EFNA5: variants seen among roughly 807,000 people sequenced by gnomAD.
The protein encoded by EFNA5 is ephrin-A5.
A neutral mutation model predicts 22.9 loss-of-function variants in EFNA5; 5 were observed. The observed-to-expected ratio is 0.22, with a 90% CI of 0.11 to 0.46. The LOEUF is 0.46. EFNA5 is among the 20% of genes least tolerant of loss of function. The pLI is 0.99. For synonymous variants in EFNA5, 113 were observed against 112.2 expected (o/e 1.01, Z -0.04); for missense variants, 237 against 293.3 (o/e 0.81, Z 1.40).
At chr5:107,453,975 G>T (rs1318851704) in intron 1 of EFNA5, among the ~76,000 whole-genome samples, 1 of 152,074 alleles carries the variant, frequency 6.6e-6, no homozygotes, top group East Asian at 1.9e-4. Flanking sequence ...GTATGTGTGT[G>T]TGTGACAGAT....
chr5:107,630,593 G>C (rs1286149038), intron 1 of EFNA5, among the ~76,000 whole-genome samples: 1 of 148,162 alleles, frequency 6.7e-6, no homozygotes, highest in Non-Finnish European at 1.5e-5. Flanking sequence ...TGAGTGAGTG[G>C]TGACTGAATA....
chr5:107,449,850 A>G (rs1365645620), intron 1 of EFNA5, among the ~76,000 whole-genome samples: 1 of 152,210 alleles, frequency 6.6e-6, no homozygotes, highest in Non-Finnish European at 1.5e-5. Flanking sequence ...TTTGAAGGGT[A>G]ATGAGATGCC....
rs527476416 is a variant in EFNA5 at position 107,619,995 on chromosome 5, T to C, written c.125+50494A>G. On this transcript the variant is annotated intron_variant, in intron 1 of 4. Transcript: ENST00000333274. ...AATCAGCCCGAGGGCACTAAATGGCTACAGATCTCTGCAGAAGCACTGTAG... is the reference window on the plus strand; with the variant it reads ...AATCAGCCCGAGGGCACTAAATGGCCACAGATCTCTGCAGAAGCACTGTAG... Among the ~76,000 whole-genome samples, 132 of 152,332 alleles carry C rather than the reference T, an allele frequency of 8.7e-4. 1 individual carries two copies. The highest frequency in any genetic ancestry group is 3.4e-3 in the Middle Eastern group (1 of 294).
intron 1 of EFNA5, among the ~76,000 whole-genome samples, chr5:107,464,204 G>C (rs1749913286): frequency 6.6e-6 from 1 of 152,076 alleles, no homozygotes; most frequent in Admixed American, 6.6e-5. Flanking sequence ...CCCGGGACCA[G>C]CAGCACTTCA....
intron 1 of EFNA5, among the ~76,000 whole-genome samples, chr5:107,623,605 A>G (rs73200633): frequency 0.046 from 7,003 of 151,904 alleles, 563 homozygotes; most frequent in African/African-American, 0.16. Flanking sequence ...CAGCATGAAT[A>G]GGTGGGCAGG....
At chr5:107,633,698 T>A (rs544455102) in intron 1 of EFNA5, among the ~76,000 whole-genome samples, 1 of 152,310 alleles carries the variant, frequency 6.6e-6, no homozygotes, top group African/African-American at 2.4e-5. Context: ...AAGGTCTGAA[T>A]GTCCCAGAAT....
intron 1 of EFNA5, among the ~76,000 whole-genome samples, chr5:107,619,078 C>T (rs1289473647): frequency 3.9e-5 from 6 of 151,938 alleles, no homozygotes; most frequent in South Asian, 4.2e-4. Context: ...CCTGACACCA[C>T]GCCTGGCTAA....
intron 1 of EFNA5, among the ~76,000 whole-genome samples, chr5:107,573,940 T>G (rs1748868813): frequency 6.6e-6 from 1 of 152,214 alleles, no homozygotes; most frequent in South Asian, 2.1e-4. Context: ...AGGATTTTTA[T>G]TCTTTACCAC....
intron 1 of EFNA5, among the ~76,000 whole-genome samples, chr5:107,518,538 C>T (rs914713799): frequency 6.6e-6 from 1 of 151,948 alleles, no homozygotes; most frequent in Non-Finnish European, 1.5e-5. Flanking sequence ...AAATGACGTT[C>T]CCAGTCAATT....
At chr5:107,402,918 C>T (rs1399787917) in intron 2 of EFNA5, among the ~76,000 whole-genome samples, 1 of 152,138 alleles carries the variant, frequency 6.6e-6, no homozygotes, top group African/African-American at 2.4e-5. Context: ...TGTTTTATGC[C>T]AAATCAGAGT....
At chr5:107,622,355 TG>T (rs1561452090) in intron 1 of EFNA5, among the ~76,000 whole-genome samples, 1 of 152,218 alleles carries the variant, frequency 6.6e-6, no homozygotes, top group African/African-American at 2.4e-5. Context: ...CACCCTCAAA[TG>T]TCCTGACTGA....
intron 1 of EFNA5, among the ~76,000 whole-genome samples, chr5:107,569,109 A>G (rs1172890632): frequency 6.6e-6 from 1 of 152,032 alleles, no homozygotes; most frequent in Admixed American, 6.6e-5. Flanking sequence ...CCCCCAGATG[A>G]GCATAAAGAC....
intron 1 of EFNA5, among the ~76,000 whole-genome samples, chr5:107,524,567 T>TTAAC (rs1747657567): frequency 6.6e-6 from 1 of 152,188 alleles, no homozygotes; most frequent in Non-Finnish European, 1.5e-5. Context: ...AAGAAGAAAG[T>TTAAC]TAACTACATA....
chr5:107,495,965 C>T (rs1746968571), intron 1 of EFNA5, among the ~76,000 whole-genome samples: 1 of 151,986 alleles, frequency 6.6e-6, no homozygotes, highest in Admixed American at 6.5e-5. Context: ...AAGAAATCCA[C>T]CTCCTGACTG....
At chr5:107,661,144 GAAA>G (rs35310160) in intron 1 of EFNA5, among the ~76,000 whole-genome samples, 181 of 144,112 alleles carry the variant, frequency 1.3e-3, no homozygotes, top group African/African-American at 4.5e-3. Context: ...AGAAGAAGAA[GAAA>G]AAAAAAGTAT....
At chr5:107,473,262 A>ATTT (rs35926074) in intron 1 of EFNA5, among the ~76,000 whole-genome samples, 1 of 135,188 alleles carries the variant, frequency 7.4e-6, no homozygotes, top group Non-Finnish European at 1.6e-5. Flanking sequence ...TCCAGGTCTG[A>ATTT]TTTTTTTTTT....
chr5:107,569,539 ATATGTGTGTATATATATATT>A (rs1561435895), intron 1 of EFNA5, among the ~76,000 whole-genome samples: 21 of 128,184 alleles, frequency 1.6e-4, no homozygotes, highest in African/African-American at 4.9e-4. Flanking sequence ...ATTTATATAT[ATATGTGTGTATATATATATT>A]TATATATATA....
chr5:107,542,194 G>A (rs766126814), intron 1 of EFNA5, among the ~76,000 whole-genome samples: 4 of 152,090 alleles, frequency 2.6e-5, no homozygotes, highest in Non-Finnish European at 5.9e-5. Flanking sequence ...TAATTTTAAA[G>A]TTCTCAGGAT....
chr5:107,411,862 C>T (rs2112402860), intron 2 of EFNA5, among the ~76,000 whole-genome samples: 1 of 152,328 alleles, frequency 6.6e-6, no homozygotes. Flanking sequence ...TGTGAGCCAA[C>T]ATACTTGGCT....
Sources: gnomAD v4.1 joint callset for allele counts (sites outside exome capture counted in the v4.1 genomes callset) on GRCh38, gnomAD v4.1.1 for gene constraint, MANE v1.5 for transcripts, NCBI Gene and HGNC (gene_info 2026-07-23, HGNC 2026-07-21) for gene names.